The following LRRC2 variants were observed in gnomAD, a reference collection of about 807,000 sequenced individuals.
LRRC2 encodes the protein leucine rich repeat containing 2.
Under a neutral mutation model 40.2 loss-of-function variants are expected in LRRC2, and 27 were observed. That is an observed-to-expected ratio of 0.67 (90% confidence interval 0.49 to 0.93). The LOEUF (loss-of-function observed/expected upper bound fraction) is 0.93, where lower values mean the gene tolerates loss of function less well. Among genes scored for constraint, LRRC2 ranks in the 40% least tolerant of loss-of-function variants. LRRC2 has a pLI of 0.00. For missense variants in LRRC2, 402 were observed against 439.6 expected (o/e 0.91, Z 0.76); for synonymous variants, 147 against 158.9 (o/e 0.92, Z 0.56).
In LRRC2 at chr3:46,515,632, C is replaced by T. The variant is rs559659816; in HGVS notation, c.*3382G>A. 3.9e-5 allele frequency: 6 copies of T among 152,172 alleles called. No individual in the cohort carries two copies. In the South Asian group the frequency reaches 1.2e-3, roughly 32 times the overall value. 9.4% of individuals were successfully genotyped at this position (152,172 alleles called of 1,614,324 possible). On this transcript the variant is annotated 3_prime_UTR_variant, in exon 9 of 9. Coordinates refer to ENST00000395905, the MANE Select transcript of LRRC2 (RefSeq NM_024512.5). ...TTATTTGTTTTGGGTTATTATGTAA[C>T]ATGAAATAATTATATATCAATGCAG...
At chr3:46,527,646 A>G (rs773070017) in intron 6 of LRRC2, 65 bp from the exon 7 acceptor site, 13 of 1,362,958 alleles carry the variant, frequency 9.5e-6, no homozygotes, top group Non-Finnish European at 1.2e-5. Context: ...ACCAACATGA[A>G]TTACAAATAA....
chr3:46,521,669 A>C lies in LRRC2; in HGVS notation c.930-11T>G. On this transcript the variant is annotated splice_polypyrimidine_tract_variant and intron_variant, in intron 7 of 8. Coordinates refer to ENST00000395905, the MANE Select transcript of LRRC2 (RefSeq NM_024512.5). ...ATAAGGCTTACAAATCTATTCGAGAAAGCATGGGAAGTATCACATTATCAC... is the reference window on the plus strand; with the variant it reads ...ATAAGGCTTACAAATCTATTCGAGACAGCATGGGAAGTATCACATTATCAC... 2 of 1,602,974 alleles carry C rather than the reference A, an allele frequency of 1.2e-6. No individual in the cohort carries two copies. Among genetic ancestry groups the C allele is most frequent in the Non-Finnish European group, 1.7e-6 (2 of 1,176,740 alleles).
chr3:46,529,520 A>G (rs1268392052), intron 6 of LRRC2, among the ~76,000 whole-genome samples: 1 of 152,268 alleles, frequency 6.6e-6, no homozygotes, highest in African/African-American at 2.4e-5. Flanking sequence ...ATAACGAATC[A>G]ATAAATGAAA....
intron 5 of LRRC2, among the ~76,000 whole-genome samples, chr3:46,530,841 C>T (rs1381668721): frequency 6.6e-6 from 1 of 152,178 alleles, no homozygotes; most frequent in Non-Finnish European, 1.5e-5. Flanking sequence ...ATTATGGGAG[C>T]TGCAATTCAA....
At chr3:46,558,578 A>G (rs2280412) in intron 1 of LRRC2, 65,165 of 152,088 alleles carry the variant, frequency 0.43, 14,501 homozygotes, top group East Asian at 0.78. Flanking sequence ...ATGCGCAGCT[A>G]GGGGAGGAGC....
At chr3:46,521,884 T>A (rs1282523821) in intron 7 of LRRC2, among the ~76,000 whole-genome samples, 1 of 152,040 alleles carries the variant, frequency 6.6e-6, no homozygotes, top group African/African-American at 2.4e-5. Flanking sequence ...GATGGGGAAA[T>A]GAGAGCTCCC....
At chr3:46,540,524 CAA>C (rs757946336) in intron 3 of LRRC2, among the ~76,000 whole-genome samples, 22 of 87,304 alleles carry the variant, frequency 2.5e-4, no homozygotes, top group African/African-American at 3.1e-4. Flanking sequence ...GACTCCATCT[CAA>C]AAAAAAAAAA....
chr3:46,551,361 G>A, intron 2 of LRRC2, 106 bp downstream of exon 2: 1 of 1,403,348 alleles, frequency 7.1e-7, no homozygotes, highest in Non-Finnish European at 9.7e-7. Flanking sequence ...TTTACCAACA[G>A]TGAGAAATCC....
At chr3:46,520,879 G>T (rs1417117058) in intron 8 of LRRC2, among the ~76,000 whole-genome samples, 1 of 152,192 alleles carries the variant, frequency 6.6e-6, no homozygotes, top group Non-Finnish European at 1.5e-5. Context: ...TTTTCCTGGG[G>T]AAGCTGTCTT....
chr3:46,550,502 C>T (rs1255474688), intron 2 of LRRC2, among the ~76,000 whole-genome samples: 3 of 151,404 alleles, frequency 2.0e-5, no homozygotes, highest in Admixed American at 6.6e-5. Flanking sequence ...TCCTGCCTTC[C>T]TGCCTCAGCC....
intron 7 of LRRC2, among the ~76,000 whole-genome samples, chr3:46,522,146 G>C (rs1005760828): frequency 6.6e-6 from 1 of 151,946 alleles, no homozygotes; most frequent in Non-Finnish European, 1.5e-5. Flanking sequence ...AGGCTGAGGC[G>C]GGTGGATCAC....
At chr3:46,526,351 T>C (rs191342293) in intron 7 of LRRC2, among the ~76,000 whole-genome samples, 13 of 152,358 alleles carry the variant, frequency 8.5e-5, no homozygotes, top group Admixed American at 6.5e-4. Context: ...AGGTTTACCC[T>C]GACTGCTATG....
intron 2 of LRRC2, among the ~76,000 whole-genome samples, chr3:46,547,407 G>A (rs1366487753): frequency 6.6e-6 from 1 of 152,068 alleles, no homozygotes; most frequent in Non-Finnish European, 1.5e-5. Flanking sequence ...GCCAGGTGCA[G>A]TGGTTCAGGC....
rs180835364 is a variant in LRRC2, at chr3:46,538,693, A to G, written c.490+352T>C. Reference sequence around the variant, plus strand: ...ACTAGATTTATCAATGGACTAATGTATAAGAGCAATACATTACATTTCTAA... The same window carrying G: ...ACTAGATTTATCAATGGACTAATGTGTAAGAGCAATACATTACATTTCTAA... On this transcript the variant is annotated intron_variant, in intron 4 of 8. Coordinates refer to ENST00000395905, the MANE Select transcript of LRRC2 (RefSeq NM_024512.5). 1.2e-4 allele frequency among the ~76,000 whole-genome samples: 18 copies of G among 152,376 alleles called. No homozygotes were observed. In the East Asian group the frequency reaches 3.1e-3, roughly 26 times the overall value.
At chr3:46,561,763 A>G (rs752889328) in intron 1 of LRRC2, among the ~76,000 whole-genome samples, 10 of 152,262 alleles carry the variant, frequency 6.6e-5, no homozygotes, top group Non-Finnish European at 1.5e-4. Flanking sequence ...AGAGTCTCCA[A>G]TGTGTAGATG....
rs1029469679 is a variant in LRRC2 at position 46,516,298 on chromosome 3, G to A, written c.*2716C>T. The A allele has an allele frequency of 6.6e-6, 1 of 151,976 alleles. No homozygotes were observed. The highest frequency in any genetic ancestry group is 2.4e-5 in the African/African-American group (1 of 41,328). The allele number at this position is 151,976 out of a possible 1,614,324, so 9.4% of individuals were successfully genotyped here. On this transcript the variant is annotated 3_prime_UTR_variant, in exon 9 of 9. Transcript: ENST00000395905. The stretch of plus-strand genomic sequence containing the variant: ...CCTACTTCTCAGAGTTTGTTTCTAA[G>A]TGGAAGCAGTCCTCCACCAAAGCAC...
At chr3:46,534,459 TC>T (rs993641509) in intron 4 of LRRC2, among the ~76,000 whole-genome samples, 1 of 151,352 alleles carries the variant, frequency 6.6e-6, no homozygotes, top group Non-Finnish European at 1.5e-5. Flanking sequence ...TTTCTTTCTT[TC>T]TTTCTTTCTT....
At chr3:46,563,304 G>A (rs895014501) in intron 1 of LRRC2, among the ~76,000 whole-genome samples, 1 of 152,018 alleles carries the variant, frequency 6.6e-6, no homozygotes, top group Middle Eastern at 3.2e-3. Context: ...CCACCACCTG[G>A]CACAAATCTC....
intron 8 of LRRC2, 92 bp from the exon 9 acceptor site, chr3:46,519,155 A>AC: frequency 9.6e-6 from 8 of 837,420 alleles, no homozygotes; most frequent in Non-Finnish European, 1.5e-5. Context: ...AATGTATGTC[A>AC]ATACACCCAT....
Sources: allele counts gnomAD v4.1 joint callset (sites outside exome capture counted in the v4.1 genomes callset), GRCh38; gene constraint gnomAD v4.1.1; transcripts MANE v1.5; gene names NCBI Gene and HGNC (gene_info 2026-07-23, HGNC 2026-07-21).